ATF7IP: variants seen among roughly 807,000 people sequenced by gnomAD.
ATF7IP encodes the protein activating transcription factor 7 interacting protein.
In ATF7IP, 23 loss-of-function variants were observed where a neutral mutation model predicts 106.4. That is an observed-to-expected ratio of 0.22 (90% confidence interval 0.16 to 0.31). The LOEUF (loss-of-function observed/expected upper bound fraction) is 0.31, where lower values mean the gene tolerates loss of function less well. Among genes scored for constraint, ATF7IP ranks in the 10% least tolerant of loss-of-function variants. ATF7IP has a pLI of 1.00. For missense variants in ATF7IP, 1,334 were observed against 1,524.3 expected, an observed-to-expected ratio of 0.88 and a Z score of 2.08; for synonymous variants, 542 against 539.0, an observed-to-expected ratio of 1.01 and a Z score of -0.08.
intron 1 of ATF7IP, among the ~76,000 whole-genome samples, chr12:14,418,849 G>C (rs1941343634): frequency 6.6e-6 from 1 of 151,970 alleles, no homozygotes; most frequent in East Asian, 1.9e-4. Flanking sequence ...TGAAGTTAAT[G>C]ACAATTTTAT....
rs367924205 is a variant in ATF7IP, at chr12:14,424,708, G to A, written c.793G>A (p.Ala265Thr). The A allele has an allele frequency of 1.3e-5, 21 of 1,613,964 alleles. No homozygotes were observed. The highest frequency in any genetic ancestry group is 1.7e-5 in the Admixed American group (1 of 59,994). Residue 265 changes from alanine (A) to threonine (T), a missense_variant, in exon 2 of 15, where the codon GCC becomes ACC. By Grantham distance (58) the Ala-to-Thr change is moderately conservative. Transcript: ENST00000261168. ...TGGTGATCTATCCTCTAGTGAACTG[G>A]CCTCTGATGATCTGGCCACTGGTGA... Reference protein sequence around the residue: ...ASGDLSSSELASDDLATGELA... With the variant: ...ASGDLSSSELTSDDLATGELA...
chr12:14,402,050 TC>T lies in ATF7IP; in HGVS notation c.-7-21858del, dbSNP rs531434485. Among the ~76,000 whole-genome samples the T allele has an allele frequency of 2.1e-3, 323 of 151,632 alleles. 1 individual carries two copies. The highest frequency in any genetic ancestry group is 7.5e-3 in the African/African-American group (311 of 41,390). On this transcript the variant is annotated intron_variant, in intron 1 of 14. Transcript: ENST00000261168. Reference sequence around the variant, plus strand: ...TAAAAGCTAGTCATGCTACAAAATATCTAGGTGGAATTTTCTTTTTTTTTTC... The same window carrying T: ...TAAAAGCTAGTCATGCTACAAAATATTAGGTGGAATTTTCTTTTTTTTTTC...
chr12:14,494,117 A>T (rs1373784170), intron 13 of ATF7IP, among the ~76,000 whole-genome samples: 1 of 151,308 alleles, frequency 6.6e-6, no homozygotes, highest in Non-Finnish European at 1.5e-5. Context: ...TCTCTATACT[A>T]TTAGAATTAG....
At chr12:14,471,427 T>C (rs1222503989) in intron 10 of ATF7IP, among the ~76,000 whole-genome samples, 1 of 152,224 alleles carries the variant, frequency 6.6e-6, no homozygotes, top group East Asian at 1.9e-4. Context: ...TCATAGGTTT[T>C]GACACTGTAT....
At chr12:14,471,551 C>T (rs1944045456) in intron 10 of ATF7IP, among the ~76,000 whole-genome samples, 2 of 151,572 alleles carry the variant, frequency 1.3e-5, no homozygotes, top group Non-Finnish European at 2.9e-5. Flanking sequence ...TTTTTTAACT[C>T]TTAAAGAAAA....
chr12:14,390,554 TAA>T, intron 1 of ATF7IP, among the ~76,000 whole-genome samples: 1 of 152,352 alleles, frequency 6.6e-6, no homozygotes, highest in African/African-American at 2.4e-5. Flanking sequence ...AAGAAAAAGT[TAA>T]AGTGTATTCA....
chr12:14,449,528 G>C (rs1022350677), intron 6 of ATF7IP, among the ~76,000 whole-genome samples: 24 of 151,422 alleles, frequency 1.6e-4, no homozygotes, highest in African/African-American at 5.8e-4. Flanking sequence ...CACTTTTTTC[G>C]ATTATTGTAG....
intron 1 of ATF7IP, among the ~76,000 whole-genome samples, chr12:14,415,342 A>G (rs538238714): frequency 1.3e-5 from 2 of 152,328 alleles, no homozygotes; most frequent in Admixed American, 6.5e-5. Context: ...TGTTTTTATC[A>G]TGTGGACCAT....
chr12:14,497,860 T>A lies in ATF7IP; in HGVS notation c.3600T>A (p.Ala1200=), dbSNP rs2136884809. The A allele has an allele frequency of 6.2e-7, 1 of 1,614,130 alleles. No homozygotes were observed. The highest frequency in any genetic ancestry group is 2.2e-5 in the East Asian group (1 of 44,864). ...CTGTTGATAGCTACCATCTCTATGC[T>A]TACCATGAGGAACCCAGTGCCACTG... ...CATVDSYHLY[A]YHEEPSATVP... Residue 1200 remains alanine (A), a synonymous_variant, in exon 15 of 15, where the codon GCT becomes GCA. Transcript: ENST00000261168.
At position 14,501,581 on chromosome 12, in the gene ATF7IP, T is replaced by C. The variant is rs1350947708; in HGVS notation, c.*3508T>C. 6.6e-6 allele frequency: 1 copy of C among 152,182 alleles called. No individual in the cohort carries two copies. The highest frequency in any genetic ancestry group is 2.4e-5 in the African/African-American group (1 of 41,448). 9.4% of individuals were successfully genotyped at this position (152,182 alleles called of 1,614,324 possible). A position where few individuals can be genotyped will look rare whatever the true frequency, so the allele number is the denominator to read the frequency against. On this transcript the variant is annotated 3_prime_UTR_variant, in exon 15 of 15. Transcript: ENST00000261168. ...CATTTTTAAAAAATATGCCGAATAC[T>C]GCATACTGTTTAAGGTAGTATATAA... is the stretch of plus-strand genomic sequence containing the variant.
chr12:14,368,925 G>C (rs1938415231), intron 1 of ATF7IP, among the ~76,000 whole-genome samples: 1 of 150,814 alleles, frequency 6.6e-6, no homozygotes, highest in South Asian at 2.1e-4. Context: ...AAGAAGTTTT[G>C]CATTTTTATG....
chr12:14,419,976 C>G (rs1248954490), intron 1 of ATF7IP: 2 of 152,272 alleles, frequency 1.3e-5, no homozygotes, highest in South Asian at 4.1e-4. Flanking sequence ...GTGCTAGAAT[C>G]TCAAGCTGAA....
At chr12:14,443,231 A>G (rs1379767054) in intron 5 of ATF7IP, among the ~76,000 whole-genome samples, 3 of 152,228 alleles carry the variant, frequency 2.0e-5, no homozygotes, top group African/African-American at 7.2e-5. Flanking sequence ...TGAAGAAGTC[A>G]TGGAACCCAG....
At chr12:14,471,671 AG>A (rs1246384918) in intron 10 of ATF7IP, among the ~76,000 whole-genome samples, 1 of 152,182 alleles carries the variant, frequency 6.6e-6, no homozygotes, top group Non-Finnish European at 1.5e-5. Flanking sequence ...CAGGGAGGAA[AG>A]AATGAGAGCA....
rs1945076698 is a variant in ATF7IP at position 14,498,432 on chromosome 12, T to C, written c.*359T>C. On this transcript the variant is annotated 3_prime_UTR_variant, in exon 15 of 15. Transcript: ENST00000261168. ...CCTCTTAAAGTACGAAGTAAGTAGA[T>C]CAAAGGATTTGAGATGTGTAACTGG... The C allele has an allele frequency of 5.3e-6, 1 of 187,266 alleles. No individual in the cohort carries two copies. Among genetic ancestry groups the C allele is most frequent in the Non-Finnish European group, 1.1e-5 (1 of 90,570 alleles). 11.6% of individuals were successfully genotyped at this position (187,266 alleles called of 1,614,324 possible).
chr12:14,467,001 C>T (rs1300844517), intron 10 of ATF7IP, among the ~76,000 whole-genome samples: 2 of 152,026 alleles, frequency 1.3e-5, no homozygotes, highest in Non-Finnish European at 2.9e-5. Flanking sequence ...TTTAATTTCC[C>T]CAAAGGTAAT....
chr12:14,459,448 T>C (rs944733202), intron 8 of ATF7IP, among the ~76,000 whole-genome samples: 1 of 152,238 alleles, frequency 6.6e-6, no homozygotes, highest in Non-Finnish European at 1.5e-5. Context: ...TAAAACTGAC[T>C]TTGTTTTTTA....
At chr12:14,383,145 T>C (rs1379010084) in intron 1 of ATF7IP, among the ~76,000 whole-genome samples, 1 of 152,180 alleles carries the variant, frequency 6.6e-6, no homozygotes, top group Non-Finnish European at 1.5e-5. Flanking sequence ...TATTTCTGCT[T>C]GTATCAGTTT....
chr12:14,395,074 A>G lies in ATF7IP; in HGVS notation c.-7-28835A>G, dbSNP rs550103138. The G allele has an allele frequency of 2.6e-5, 4 of 151,916 alleles. No individual in the cohort carries two copies. In the East Asian group the frequency reaches 7.7e-4, roughly 29 times the overall value. The allele number at this position is 151,916 out of a possible 1,614,324, so 9.4% of individuals were successfully genotyped here. A position where few individuals can be genotyped will look rare whatever the true frequency, so the allele number is the denominator to read the frequency against. On this transcript the variant is annotated intron_variant, in intron 1 of 14. Transcript: ENST00000261168. ...ACCACTATTTGAAAGGAATTTTAATATGTAGCCAACCTACTGTATTCTTGT... is the reference window on the plus strand; with the variant it reads ...ACCACTATTTGAAAGGAATTTTAATGTGTAGCCAACCTACTGTATTCTTGT...
Sources: allele counts gnomAD v4.1 joint callset (sites outside exome capture counted in the v4.1 genomes callset), GRCh38; gene constraint gnomAD v4.1.1; transcripts MANE v1.5; gene names NCBI Gene and HGNC (gene_info 2026-07-23, HGNC 2026-07-21).